The following LUC7L variants were observed in gnomAD, a reference collection of about 807,000 sequenced individuals.
LUC7L encodes the protein putative RNA-binding protein Luc7-like 1.
Under a neutral mutation model 51.1 loss-of-function variants are expected in LUC7L, and 29 were observed. The observed-to-expected ratio is 0.57, with a 90% CI of 0.42 to 0.77. The LOEUF is 0.77. Among genes scored for constraint, LUC7L ranks in the 30% least tolerant of loss-of-function variants. LUC7L has a pLI of 0.00. For missense variants in LUC7L, 403 were observed against 511.9 expected (o/e 0.79, Z 2.05); for synonymous variants, 181 against 180.7 (o/e 1.00, Z -0.01).
chr16:229,237 C>T (rs776165021), intron 1 of LUC7L, 42 bp downstream of exon 1: 2 of 1,521,602 alleles, frequency 1.3e-6, no homozygotes, highest in African/African-American at 1.4e-5. Flanking sequence ...CCTCGCCTCA[C>T]TCCCACCCCA....
In LUC7L at chr16:189,141, G is replaced by C; in HGVS notation, c.*57C>G. The C allele has an allele frequency of 6.6e-7, 1 of 1,510,020 alleles. No homozygotes were observed. Among genetic ancestry groups the C allele is most frequent in the South Asian group, 1.2e-5 (1 of 82,208 alleles). The allele number at this position is 1,510,020 out of a possible 1,614,324, so 93.5% of individuals were successfully genotyped here. A position where few individuals can be genotyped will look rare whatever the true frequency, so the allele number is the denominator to read the frequency against. ...GAGTTGTATTCAGCAAATATAAAGG[G>C]TAATTTTAGACTGTGTGAACGTTTA... On this transcript the variant is annotated 3_prime_UTR_variant, in exon 10 of 10. Transcript: ENST00000293872.
chr16:216,222 G>A (rs917464223), intron 3 of LUC7L, among the ~76,000 whole-genome samples: 13 of 151,714 alleles, frequency 8.6e-5, no homozygotes, highest in Non-Finnish European at 1.5e-4. Context: ...GGCTGGTCTC[G>A]AACTCCCGAC....
intron 5 of LUC7L, among the ~76,000 whole-genome samples, chr16:200,783 G>T (rs1015458685): frequency 6.6e-6 from 1 of 151,648 alleles, no homozygotes; most frequent in African/African-American, 2.4e-5. Context: ...TCAAGAGACT[G>T]ATTCGAGAGG....
At chr16:214,636 C>A (rs1317309341) in intron 3 of LUC7L, among the ~76,000 whole-genome samples, 1 of 152,190 alleles carries the variant, frequency 6.6e-6, no homozygotes, top group Non-Finnish European at 1.5e-5. Flanking sequence ...AACTGATCCT[C>A]CAGCCTCAGC....
At chr16:205,932 CAATT>C in intron 5 of LUC7L, 68 bp downstream of exon 5, 1 of 1,527,196 alleles carries the variant, frequency 6.5e-7, no homozygotes, top group Non-Finnish European at 8.9e-7. Context: ...AGCATGGGCT[CAATT>C]AATTCCAACG....
Position 193,643 on chromosome 16 carries a change from T to C in LUC7L, c.688-628A>G, listed in dbSNP as rs556969938. On this transcript the variant is annotated intron_variant, in intron 6 of 9. Coordinates refer to ENST00000293872, the MANE Select transcript of LUC7L (RefSeq NM_201412.3). ...TCCTGAGTAGCTGGGATTACAAGCG[T>C]GCCAGCACGGCCGGCTAATTTTTGT... is the stretch of plus-strand genomic sequence containing the variant. Among the ~76,000 whole-genome samples, 435 of 151,326 alleles carry C rather than the reference T, an allele frequency of 2.9e-3. 4 individuals are homozygous for C. Among genetic ancestry groups the C allele is most frequent in the African/African-American group, 0.01 (427 of 41,092 alleles).
chr16:215,623 C>CA (rs533237473), intron 3 of LUC7L, among the ~76,000 whole-genome samples: 2,523 of 73,714 alleles, frequency 0.034, 66 homozygotes, highest in East Asian at 0.11. Flanking sequence ...AACTCCGTCT[C>CA]AAAAAAAAAA....
intron 3 of LUC7L, among the ~76,000 whole-genome samples, chr16:212,688 C>G (rs561316780): frequency 6.6e-6 from 1 of 152,176 alleles, no homozygotes; most frequent in Non-Finnish European, 1.5e-5. Context: ...ATCACATGGC[C>G]AGACAACATG....
At chr16:189,584 G>A (rs2048954391) in intron 9 of LUC7L, 1 of 1,364,814 alleles carries the variant, frequency 7.3e-7, no homozygotes, top group East Asian at 2.6e-5. Flanking sequence ...GTGCAAAGGA[G>A]AATACAACAC....
intron 2 of LUC7L, among the ~76,000 whole-genome samples, chr16:223,805 G>A (rs1340162027): frequency 6.6e-6 from 1 of 151,974 alleles, no homozygotes; most frequent in African/African-American, 2.4e-5. Context: ...GAATAGCTGG[G>A]ACTACAGGGG....
rs2142029940 is a variant in LUC7L, at chr16:189,300, C to T, written c.1014G>A (p.Glu338=). Residue 338 remains glutamate (E), a synonymous_variant, in exon 10 of 10, where the codon GAG becomes GAA. Transcript: ENST00000293872. ...RERASREESW[E]SGRSERGPPD... Reference sequence around the variant, plus strand: ...GGGGCCCTCGCTCGCTCCGCCCGCTCTCCCAGGACTCCTCTCTGGATGCCC... The same window carrying T: ...GGGGCCCTCGCTCGCTCCGCCCGCTTTCCCAGGACTCCTCTCTGGATGCCC... 2 of 1,613,138 alleles carry T rather than the reference C, an allele frequency of 1.2e-6. No homozygotes were observed. The highest frequency in any genetic ancestry group is 4.5e-5 in the East Asian group (2 of 44,872).
In LUC7L at chr16:190,019, CTCCGGGAACGGCTGCGGT is replaced by C. The variant is rs1260831587; in HGVS notation, c.905_922del (p.His302_Ser308delinsArg). The C allele has an allele frequency of 6.2e-7, 1 of 1,614,084 alleles. No individual in the cohort carries two copies. The highest frequency in any genetic ancestry group is 1.1e-5 in the South Asian group (1 of 91,072). On this transcript the variant is annotated inframe_deletion, in exon 9 of 10. Transcript: ENST00000293872. ...AGCCCGACGATGTCCCCGGCTGTGG[CTCCGGGAACGGCTGCGGT>C]GGCGCCGATGTCTATCTCGGGACCG...
intron 5 of LUC7L, 64 bp from the exon 6 acceptor site, chr16:199,302 C>G (rs2049252291): frequency 1.9e-6 from 2 of 1,041,208 alleles, no homozygotes; most frequent in Admixed American, 2.4e-5. Flanking sequence ...AATTCAATCT[C>G]CAAAATGAAA....
chr16:213,717 CT>C (rs1253194607), intron 3 of LUC7L, among the ~76,000 whole-genome samples: 1 of 151,240 alleles, frequency 6.6e-6, no homozygotes, highest in African/African-American at 2.4e-5. Context: ...AATCTTTTTT[CT>C]TTTTTTCTTT....
intron 3 of LUC7L, chr16:208,905 CAG>C (rs1392924650): frequency 6.6e-6 from 1 of 152,222 alleles, no homozygotes; most frequent in Non-Finnish European, 1.5e-5. Flanking sequence ...CAGATAAAAA[CAG>C]AGACAGGACC....
chr16:223,999 G>A (rs1449386030), intron 2 of LUC7L, among the ~76,000 whole-genome samples: 1 of 151,872 alleles, frequency 6.6e-6, no homozygotes, highest in Non-Finnish European at 1.5e-5. Context: ...TCTAAGTTGT[G>A]GGTGTTGTCC....
chr16:190,008 C>A lies in LUC7L; in HGVS notation c.934G>T (p.Gly312Ter). 1 of 1,614,050 alleles carries A rather than the reference C, an allele frequency of 6.2e-7. No individual in the cohort carries two copies. The highest frequency in any genetic ancestry group is 8.5e-7 in the Non-Finnish European group (1 of 1,179,980). ...HRSRSRSHSR[G>*]HRRASRDRSA... ...CGGTCCCGGGAAGCCCGACGATGTC[C>A]CCGGCTGTGGCTCCGGGAACGGCTG... Residue 312 changes from glycine (G) to a stop codon, truncating the protein, a stop_gained, in exon 9 of 10, where the codon GGA becomes TGA. Coordinates refer to ENST00000293872, the MANE Select transcript of LUC7L (RefSeq NM_201412.3). LOFTEE classifies it high-confidence loss of function.
chr16:193,154 T>G (rs1377285979), intron 6 of LUC7L, 139 bp from the exon 7 acceptor site: 2 of 609,450 alleles, frequency 3.3e-6, no homozygotes, highest in East Asian at 6.1e-5. Flanking sequence ...ATGGGAATAC[T>G]TTTTTTTTTC....
At chr16:227,777 T>C (rs1181473178) in intron 1 of LUC7L, 1 of 1,000,138 alleles carries the variant, frequency 1.0e-6, no homozygotes, top group Non-Finnish European at 1.2e-6. Flanking sequence ...GAGGCAGTAT[T>C]TTGCCCAAAA....
Sources: allele counts gnomAD v4.1 joint callset (sites outside exome capture counted in the v4.1 genomes callset), GRCh38; gene constraint gnomAD v4.1.1; transcripts MANE v1.5; gene names NCBI Gene and HGNC (gene_info 2026-07-23, HGNC 2026-07-21).